The following DPP10 variants were observed in gnomAD, a reference collection of about 807,000 sequenced individuals.
The protein encoded by DPP10 is inactive dipeptidyl peptidase 10.
DPP10 carries 33 observed loss-of-function variants against 120.9 expected under a neutral mutation model. The observed-to-expected ratio is 0.27, with a 90% confidence interval of 0.21 to 0.37. The LOEUF (loss-of-function observed/expected upper bound fraction) is 0.37, where lower values mean the gene tolerates loss of function less well. DPP10 is among the 10% of genes least tolerant of loss of function. The pLI, the probability that DPP10 is intolerant of heterozygous loss-of-function variation, is 1.00. For missense variants in DPP10, 816 were observed against 942.8 expected (o/e 0.87, Z 1.76); for synonymous variants, 337 against 326.1 (o/e 1.03, Z -0.36).
At chr2:115,178,152 T>C (rs893512300) in intron 1 of DPP10, among the ~76,000 whole-genome samples, 13 of 152,178 alleles carry the variant, frequency 8.5e-5, no homozygotes, top group African/African-American at 3.1e-4. Context: ...CATAATCTGA[T>C]AAGTGATAGC....
chr2:114,887,970 C>T (rs1275579356), intron 1 of DPP10, among the ~76,000 whole-genome samples: 4 of 151,658 alleles, frequency 2.6e-5, no homozygotes, highest in East Asian at 1.9e-4. Context: ...AAACCCCGAC[C>T]GTCTCTACTA....
At chr2:115,728,087 C>A (rs774077491) in intron 8 of DPP10, 151 bp downstream of exon 8, 1 of 836,706 alleles carries the variant, frequency 1.2e-6, no homozygotes, top group Non-Finnish European at 1.8e-6. Context: ...CATATCTTTG[C>A]ATGTGCTTAT....
rs1690550709 is a variant in DPP10 at position 115,845,576 on chromosome 2, CTT to C, written c.*3234_*3235del. ...CTATTTTCCTCTTCCCCATTTCACT[CTT>C]TTAAGCTCCCTACTCCTATTCCCTA... On this transcript the variant is annotated 3_prime_UTR_variant, in exon 26 of 26. Coordinates refer to ENST00000410059, the MANE Select transcript of DPP10 (RefSeq NM_020868.6). The C allele has an allele frequency of 6.6e-6, 1 of 152,198 alleles. No homozygotes were observed. Among genetic ancestry groups the C allele is most frequent in the South Asian group, 2.1e-4 (1 of 4,832 alleles). 9.4% of individuals were successfully genotyped at this position (152,198 alleles called of 1,614,324 possible). A position where few individuals can be genotyped will look rare whatever the true frequency, so the allele number is the denominator to read the frequency against.
At chr2:115,319,494 C>G (rs1022641140) in intron 2 of DPP10, among the ~76,000 whole-genome samples, 4 of 152,080 alleles carry the variant, frequency 2.6e-5, no homozygotes, top group African/African-American at 7.2e-5. Flanking sequence ...TTAGAATTCA[C>G]AAGTGAAGTC....
chr2:115,161,143 G>C (rs1039426961), intron 1 of DPP10: 1 of 152,704 alleles, frequency 6.5e-6, no homozygotes, highest in East Asian at 1.9e-4. Flanking sequence ...CAGCTGGTAG[G>C]AGAATCTGGG....
intron 1 of DPP10, among the ~76,000 whole-genome samples, chr2:115,021,234 T>G (rs1034840888): frequency 1.1e-4 from 17 of 152,046 alleles, no homozygotes; most frequent in African/African-American, 4.1e-4. Flanking sequence ...CAAAATCTCG[T>G]TCTTTGAAAG....
chr2:115,187,019 C>CTTTTTTTTT (rs147014349), intron 1 of DPP10, among the ~76,000 whole-genome samples: 2 of 63,178 alleles, frequency 3.2e-5, no homozygotes, highest in African/African-American at 1.0e-4. Flanking sequence ...TGCAAAGATT[C>CTTTTTTTTT]TTTTTTTTTT....
At chr2:115,270,959 AAAC>A (rs2059675785) in intron 1 of DPP10, among the ~76,000 whole-genome samples, 1 of 152,192 alleles carries the variant, frequency 6.6e-6, no homozygotes, top group Non-Finnish European at 1.5e-5. Context: ...ACTTTGGAGA[AAAC>A]AACAACACTA....
intron 4 of DPP10, among the ~76,000 whole-genome samples, chr2:115,520,714 C>T (rs931591818): frequency 3.9e-5 from 6 of 152,158 alleles, no homozygotes; most frequent in Admixed American, 3.3e-4. Flanking sequence ...AGTCTTTTCT[C>T]AGTCTCAAGT....
At chr2:114,707,987 T>C (rs1054756170) in intron 1 of DPP10, among the ~76,000 whole-genome samples, 8 of 152,306 alleles carry the variant, frequency 5.3e-5, no homozygotes, top group East Asian at 1.9e-4. Flanking sequence ...GCCAGAATTC[T>C]ACAAGAGTTC....
At chr2:114,547,029 C>T (rs1687464055) in intron 1 of DPP10, among the ~76,000 whole-genome samples, 1 of 152,224 alleles carries the variant, frequency 6.6e-6, no homozygotes, top group Admixed American at 6.5e-5. Context: ...GAGTCAGATA[C>T]ATTTTAAATC....
At chr2:115,333,814 C>A (rs1051565593) in intron 2 of DPP10, among the ~76,000 whole-genome samples, 5 of 152,034 alleles carry the variant, frequency 3.3e-5, no homozygotes, top group Non-Finnish European at 5.9e-5. Context: ...GATGGGCTTC[C>A]CTTTGTGGAT....
chr2:115,703,148 G>A (rs1334522071), intron 7 of DPP10, among the ~76,000 whole-genome samples: 7 of 151,730 alleles, frequency 4.6e-5, no homozygotes, highest in Admixed American at 4.6e-4. Context: ...AATGAATCTA[G>A]AATCAAGAAG....
At chr2:114,497,237 ATACATGTGTATGCATG>A (rs1312205646) in intron 1 of DPP10, among the ~76,000 whole-genome samples, 3 of 144,818 alleles carry the variant, frequency 2.1e-5, no homozygotes, top group Admixed American at 6.8e-5. Flanking sequence ...GTACGTGCGT[ATACATGTGTATGCATG>A]TACGTGTGTA....
intron 1 of DPP10, among the ~76,000 whole-genome samples, chr2:114,632,012 AATTTGT>A: frequency 6.6e-6 from 1 of 152,098 alleles, no homozygotes; most frequent in African/African-American, 2.4e-5. Context: ...AATATCCCAT[AATTTGT>A]ATTTGGTTGA....
chr2:115,261,360 G>A (rs917723961), intron 1 of DPP10, among the ~76,000 whole-genome samples: 3 of 152,124 alleles, frequency 2.0e-5, no homozygotes, highest in Non-Finnish European at 4.4e-5. Context: ...GATTCCTAGT[G>A]CACAATCAGT....
chr2:115,166,557 TTA>T (rs1381297168), intron 1 of DPP10, among the ~76,000 whole-genome samples: 3 of 146,446 alleles, frequency 2.0e-5, no homozygotes, highest in Non-Finnish European at 3.0e-5. Flanking sequence ...TAAATATATA[TTA>T]TATAAATTTA....
intron 5 of DPP10, among the ~76,000 whole-genome samples, chr2:115,664,822 C>G (rs2089311931): frequency 6.6e-6 from 1 of 152,066 alleles, no homozygotes; most frequent in African/African-American, 2.4e-5. Flanking sequence ...CTTAAAAATG[C>G]TCAAACCCCA....
chr2:115,140,489 C>A (rs1050579614), intron 1 of DPP10, among the ~76,000 whole-genome samples: 1 of 152,116 alleles, frequency 6.6e-6, no homozygotes, highest in African/African-American at 2.4e-5. Context: ...TTCACTGAGG[C>A]AAGAGGCCAC....
Sources: allele counts gnomAD v4.1 joint callset (sites outside exome capture counted in the v4.1 genomes callset), GRCh38; gene constraint gnomAD v4.1.1; transcripts MANE v1.5; gene names NCBI Gene and HGNC (gene_info 2026-07-23, HGNC 2026-07-21).